The following PARP11 variants were observed in gnomAD, a reference collection of about 807,000 sequenced individuals.
PARP11 encodes the protein poly(ADP-ribose) polymerase family member 11.
Under a neutral mutation model 42.9 loss-of-function variants are expected in PARP11, and 31 were observed. The observed-to-expected ratio is 0.72, with a 90% CI of 0.54 to 0.98. The LOEUF is 0.98. PARP11 is among the 50% of genes least tolerant of loss of function. PARP11 has a pLI of 0.00. For missense variants in PARP11, 365 were observed against 413.1 expected, an observed-to-expected ratio of 0.88 and a Z score of 1.01; for synonymous variants, 137 against 127.3, an observed-to-expected ratio of 1.08 and a Z score of -0.51.
rs1384154027 is a variant in PARP11 at position 3,830,095 on chromosome 12, C to G, written c.19-77G>C. 4 of 1,365,688 alleles carry G rather than the reference C, an allele frequency of 2.9e-6. No individual in the cohort carries two copies. In the East Asian group the frequency reaches 7.1e-5, roughly 24 times the overall value. 84.6% of individuals were successfully genotyped at this position (1,365,688 alleles called of 1,614,324 possible). ...ATACTTTTTACAGATCATTTTACTTCTTTACAAAGAGTGGTATTCAAGTGT... is the reference window on the plus strand; with the variant it reads ...ATACTTTTTACAGATCATTTTACTTGTTTACAAAGAGTGGTATTCAAGTGT... On this transcript the variant is annotated intron_variant, in intron 1 of 7. Transcript: ENST00000228820.
chr12:3,868,658 A>C (rs974783709), intron 1 of PARP11, among the ~76,000 whole-genome samples: 5 of 152,184 alleles, frequency 3.3e-5, no homozygotes, highest in Admixed American at 3.3e-4. Context: ...CAGAAAGCTA[A>C]GTCATCATCT....
chr12:3,815,077 G>A (rs974775861), intron 6 of PARP11: 3 of 456,586 alleles, frequency 6.6e-6, no homozygotes, highest in African/African-American at 6.0e-5. Flanking sequence ...AAGGAAATGT[G>A]ACAAGTATCA....
At chr12:3,865,989 T>C (rs1489433514) in intron 1 of PARP11, among the ~76,000 whole-genome samples, 1 of 152,008 alleles carries the variant, frequency 6.6e-6, no homozygotes, top group Non-Finnish European at 1.5e-5. Context: ...TTTGGTGGCT[T>C]ATTAACTGTA....
chr12:3,840,871 G>C lies in PARP11; in HGVS notation c.19-10853C>G. ...TGCAGAACAAAAGCCAGCAGAACATGTGTCTTTGTCAAATCCAGCTCCCCT... is the reference window on the plus strand; with the variant it reads ...TGCAGAACAAAAGCCAGCAGAACATCTGTCTTTGTCAAATCCAGCTCCCCT... On this transcript the variant is annotated intron_variant, in intron 1 of 7. Transcript: ENST00000228820. This position sits in a 1 kb window ranked among gnomAD's most constrained non-coding sequence, Gnocchi z 4.4. 6.2e-7 allele frequency: 1 copy of C among 1,600,092 alleles called. No homozygotes were observed. The highest frequency in any genetic ancestry group is 1.1e-5 in the South Asian group (1 of 90,824).
chr12:3,830,203 T>C (rs1947607602), intron 1 of PARP11, among the ~76,000 whole-genome samples, 185 bp from the exon 2 acceptor site: 1 of 152,214 alleles, frequency 6.6e-6, no homozygotes, highest in South Asian at 2.1e-4. Context: ...TTGGACATCA[T>C]TGCTTAACAA....
intron 1 of PARP11, among the ~76,000 whole-genome samples, chr12:3,868,867 T>C (rs1463576512): frequency 6.6e-6 from 1 of 152,234 alleles, no homozygotes; most frequent in Non-Finnish European, 1.5e-5. Context: ...ACAAACGCAG[T>C]GGCTTAAAAA....
In PARP11 at chr12:3,849,465, C is replaced by T. The variant is rs1037434133; in HGVS notation, c.19-19447G>A. On this transcript the variant is annotated intron_variant, in intron 1 of 7. Transcript: ENST00000228820. ...GTGGTTTATATACACAATGGATTAT[C>T]GAGCTGTAAAAAAGAATGGAGTCAT... Among the ~76,000 whole-genome samples the T allele has an allele frequency of 8.5e-5, 13 of 152,128 alleles. No individual in the cohort carries two copies. In the South Asian group the frequency reaches 1.0e-3, roughly 12 times the overall value.
chr12:3,810,042 C>T lies in PARP11; in HGVS notation c.*2081G>A, dbSNP rs1947137331. The stretch of plus-strand genomic sequence containing the variant: ...TAACGGAAATCTGGGATAGATGGCA[C>T]TTTAAGAATTACTATCCCTAATCTG... On this transcript the variant is annotated 3_prime_UTR_variant, in exon 8 of 8. Coordinates refer to ENST00000228820, the MANE Select transcript of PARP11 (RefSeq NM_020367.6). The T allele has an allele frequency of 6.6e-6, 1 of 152,218 alleles. No individual in the cohort carries two copies. The highest frequency in any genetic ancestry group is 2.1e-4 in the South Asian group (1 of 4,834). 9.4% of individuals were successfully genotyped at this position (152,218 alleles called of 1,614,324 possible).
rs1171894011 is a variant in PARP11, at chr12:3,813,849, A to C, written c.700+188T>G. 1.1e-4 allele frequency among the ~76,000 whole-genome samples: 16 copies of C among 152,132 alleles called. 1 individual carries two copies. On this transcript the variant is annotated intron_variant, in intron 7 of 7. Coordinates refer to ENST00000228820, the MANE Select transcript of PARP11 (RefSeq NM_020367.6). ...TTGCTCACTAATATTCTTACCTATGATTTTCTTAAAAACAAAATAAAACAA... is the reference window on the plus strand; with the variant it reads ...TTGCTCACTAATATTCTTACCTATGCTTTTCTTAAAAACAAAATAAAACAA...
chr12:3,863,339 G>A (rs996218739), intron 1 of PARP11, among the ~76,000 whole-genome samples: 2 of 152,144 alleles, frequency 1.3e-5, no homozygotes, highest in African/African-American at 4.8e-5. Context: ...CTAAGATTTA[G>A]ATGCCTCTTT....
rs1402522553 is a variant in PARP11 at position 3,810,926 on chromosome 12, T to G, written c.*1197A>C. 1 of 152,154 alleles carries G rather than the reference T, an allele frequency of 6.6e-6. No individual in the cohort carries two copies. The highest frequency in any genetic ancestry group is 1.5e-5 in the Non-Finnish European group (1 of 68,056). The allele number at this position is 152,154 out of a possible 1,614,324, so 9.4% of individuals were successfully genotyped here. A position where few individuals can be genotyped will look rare whatever the true frequency, so the allele number is the denominator to read the frequency against. ...CATGGGCAATTCCCCATCTGGTACT[T>G]AACTCCTATGCAACATGCCCGCCAA... On this transcript the variant is annotated 3_prime_UTR_variant, in exon 8 of 8. Coordinates refer to ENST00000228820, the MANE Select transcript of PARP11 (RefSeq NM_020367.6).
intron 1 of PARP11, among the ~76,000 whole-genome samples, chr12:3,869,278 G>T (rs1948437712): frequency 6.6e-6 from 1 of 152,202 alleles, no homozygotes; most frequent in East Asian, 1.9e-4. Context: ...GATATCTTTA[G>T]GAGGCCATTA....
At position 3,810,758 on chromosome 12, in the gene PARP11, GAGAA is replaced by G. The variant is rs1265101275; in HGVS notation, c.*1361_*1364del. On this transcript the variant is annotated 3_prime_UTR_variant, in exon 8 of 8. Coordinates refer to ENST00000228820, the MANE Select transcript of PARP11 (RefSeq NM_020367.6). Reference sequence around the variant, plus strand: ...AAAGAGGAAGAGAAAAAGGAAGAGAGAGAAAGAGGAAGAGGAGAGGAAGAGAAGA... The same window carrying G: ...AAAGAGGAAGAGAAAAAGGAAGAGAGAGAGGAAGAGGAGAGGAAGAGAAGA... 2 of 151,254 alleles carry G rather than the reference GAGAA, an allele frequency of 1.3e-5. No homozygotes were observed. Among genetic ancestry groups the G allele is most frequent in the Non-Finnish European group, 2.9e-5 (2 of 68,054 alleles). 9.4% of individuals were successfully genotyped at this position (151,254 alleles called of 1,614,324 possible).
intron 1 of PARP11, among the ~76,000 whole-genome samples, chr12:3,846,439 C>CAGTA (rs1478042754): frequency 2.0e-5 from 3 of 152,092 alleles, no homozygotes; most frequent in Non-Finnish European, 4.4e-5. Context: ...CATATAGAAT[C>CAGTA]TACTATGATT....
intron 1 of PARP11, among the ~76,000 whole-genome samples, chr12:3,846,389 A>G (rs1286664338): frequency 6.6e-6 from 1 of 152,216 alleles, no homozygotes; most frequent in African/African-American, 2.4e-5. Flanking sequence ...CAACATGCCA[A>G]CAAATTGGAA....
intron 2 of PARP11, among the ~76,000 whole-genome samples, 174 bp downstream of exon 2, chr12:3,829,716 G>A (rs972669760): frequency 6.6e-6 from 1 of 152,114 alleles, no homozygotes; most frequent in Non-Finnish European, 1.5e-5. Flanking sequence ...TGAAAACTTG[G>A]GGAAAAGAAA....
intron 6 of PARP11, among the ~76,000 whole-genome samples, chr12:3,816,098 A>G (rs377464920): frequency 7.2e-5 from 11 of 152,264 alleles, no homozygotes; most frequent in African/African-American, 2.7e-4. Context: ...AAAAGTCAGC[A>G]TGCTTTCACT....
In PARP11 at chr12:3,861,772, C is replaced by T. The variant is rs1032908672; in HGVS notation, c.18+11440G>A. On this transcript the variant is annotated intron_variant, in intron 1 of 7. Coordinates refer to ENST00000228820, the MANE Select transcript of PARP11 (RefSeq NM_020367.6). The surrounding 1 kb of genome is among the most constrained non-coding windows in gnomAD (Gnocchi z 4.6). ...AGGCGTGGTGGCTCACGCCTGTAAT[C>T]CCAGTACTTTGGGAGGCCGAGGCGG... Among the ~76,000 whole-genome samples the T allele has an allele frequency of 6.6e-6, 1 of 151,990 alleles. No homozygotes were observed. The highest frequency in any genetic ancestry group is 2.4e-5 in the African/African-American group (1 of 41,378).
chr12:3,811,125 C>T lies in PARP11; in HGVS notation c.*998G>A, dbSNP rs1947169841. On this transcript the variant is annotated 3_prime_UTR_variant, in exon 8 of 8. Transcript: ENST00000228820. ...GAGAGTAGGTTGTCAACAGCTACTT[C>T]AAAGGAGAAACCAGATTTGTCTCAA... is the stretch of plus-strand genomic sequence containing the variant. 3 of 152,120 alleles carry T rather than the reference C, an allele frequency of 2.0e-5. No individual in the cohort carries two copies. The highest frequency in any genetic ancestry group is 7.2e-5 in the African/African-American group (3 of 41,402). 9.4% of individuals were successfully genotyped at this position (152,120 alleles called of 1,614,324 possible).
Sources: allele counts gnomAD v4.1 joint callset (sites outside exome capture counted in the v4.1 genomes callset), GRCh38; gene constraint gnomAD v4.1.1; non-coding constraint Gnocchi (gnomAD v3.1); transcripts MANE v1.5; gene names NCBI Gene and HGNC (gene_info 2026-07-23, HGNC 2026-07-21).